Variants in PTPRA observed in about 807,000 individuals in gnomAD.
PTPRA encodes receptor-type tyrosine-protein phosphatase alpha.
Under a neutral mutation model 104.8 loss-of-function variants are expected in PTPRA, and 25 were observed. That is an observed-to-expected ratio of 0.24 (90% CI 0.17 to 0.33). PTPRA has a LOEUF of 0.33. PTPRA is among the 10% of genes least tolerant of loss of function. PTPRA has a pLI of 1.00. For synonymous variants in PTPRA, 323 were observed against 368.9 expected, an observed-to-expected ratio of 0.88 and a Z score of 1.43; for missense variants, 765 against 1,015.3, an observed-to-expected ratio of 0.75 and a Z score of 3.35.
chr20:2,909,974 A>AT (rs1203441257), intron 1 of PTPRA, among the ~76,000 whole-genome samples: 1,308 of 111,680 alleles, frequency 0.012, 25 homozygotes, highest in African/African-American at 0.051. Context: ...ATATATATAT[A>AT]ATCTATCATA....
chr20:2,911,767 G>C (rs117425855), intron 1 of PTPRA, among the ~76,000 whole-genome samples: 2,350 of 152,198 alleles, frequency 0.015, 123 homozygotes, highest in Admixed American at 0.09. Context: ...AGCAGGGTGG[G>C]AGTATGGGTA....
intron 1 of PTPRA, among the ~76,000 whole-genome samples, chr20:2,914,947 C>T (rs971458253): frequency 6.6e-6 from 1 of 152,178 alleles, no homozygotes; most frequent in Admixed American, 6.6e-5. Flanking sequence ...TTCTTTGAGT[C>T]CTCATACTAT....
chr20:3,007,271 C>T, intron 10 of PTPRA, 73 bp from the exon 11 acceptor site: 2 of 1,431,874 alleles, frequency 1.4e-6, no homozygotes, highest in East Asian at 2.3e-5. Context: ...GATGTCTCAA[C>T]TGTCCTGGTT....
intron 9 of PTPRA, among the ~76,000 whole-genome samples, chr20:2,996,173 T>C (rs1262198428): frequency 6.6e-6 from 1 of 152,216 alleles, no homozygotes; most frequent in African/African-American, 2.4e-5. Context: ...AACAGAACTA[T>C]TGATTTGGGA....
chr20:3,015,655 C>G (rs891417841), intron 11 of PTPRA, among the ~76,000 whole-genome samples, 194 bp from the exon 12 acceptor site: 1 of 152,140 alleles, frequency 6.6e-6, no homozygotes, highest in African/African-American at 2.4e-5. Context: ...AGAAGACTAC[C>G]TAGACTATTT....
At chr20:2,971,643 G>A (rs1042255987) in intron 5 of PTPRA, among the ~76,000 whole-genome samples, 1 of 152,150 alleles carries the variant, frequency 6.6e-6, no homozygotes, top group Non-Finnish European at 1.5e-5. Flanking sequence ...GACACTTTCA[G>A]TGGTTTTTCA....
In PTPRA at chr20:2,964,906, C is replaced by T. The variant is rs1180681653; in HGVS notation, c.119C>T (p.Ala40Val). The change falls in exon 5 of 24, where the codon GCA (alanine) becomes GTA (valine). Residue 40 changes from alanine to valine, a missense_variant. Physicochemically the swap from Ala to Val is moderately conservative, Grantham distance 64. Transcript: ENST00000399903. ...GITRLINSST[A>V]EPVKEEAKTS... The stretch of plus-strand genomic sequence containing the variant: ...ACAAGATTAATTAACTCATCAACGG[C>T]AGAACCAGTTAAAGAAGAGGCCAAA... 6.2e-7 allele frequency: 1 copy of T among 1,613,968 alleles called. No individual in the cohort carries two copies. The highest frequency in any genetic ancestry group is 1.3e-5 in the African/African-American group (1 of 74,924).
upstream of PTPRA, among the ~76,000 whole-genome samples, chr20:2,871,815 G>T (rs952275221): frequency 6.6e-6 from 1 of 152,228 alleles, no homozygotes; most frequent in South Asian, 2.1e-4. Flanking sequence ...GAGTAGGCGT[G>T]TGGACTCTGG....
chr20:2,915,711 A>G (rs569340378), intron 1 of PTPRA, among the ~76,000 whole-genome samples: 1 of 152,142 alleles, frequency 6.6e-6, no homozygotes, highest in African/African-American at 2.4e-5. Flanking sequence ...TTTTAGACCA[A>G]GCGCGGTGGC....
At chr20:2,867,029 C>T in the PTPRA span, among the ~76,000 whole-genome samples, 4 of 152,258 alleles carry the variant, frequency 2.6e-5, no homozygotes, top group South Asian at 2.1e-4. Context: ...CCACGCTAAA[C>T]ACTTTTGCTG....
intron 9 of PTPRA, among the ~76,000 whole-genome samples, chr20:3,000,603 A>G (rs1416535550): frequency 6.6e-6 from 1 of 152,200 alleles, no homozygotes; most frequent in African/African-American, 2.4e-5. Context: ...AATGTGTCTC[A>G]AAGCAGGACC....
intron 5 of PTPRA, among the ~76,000 whole-genome samples, chr20:2,966,859 T>G (rs1568673668): frequency 6.6e-6 from 1 of 152,240 alleles, no homozygotes; most frequent in African/African-American, 2.4e-5. Context: ...CTTTTAATGT[T>G]ACATACAATT....
intron 2 of PTPRA, among the ~76,000 whole-genome samples, chr20:2,943,852 T>C (rs2061020928): frequency 6.6e-6 from 1 of 152,202 alleles, no homozygotes; most frequent in African/African-American, 2.4e-5. Context: ...AAAAAGTTAA[T>C]ACTTAAGTAT....
intron 20 of PTPRA, among the ~76,000 whole-genome samples, chr20:3,028,259 G>A (rs1454207294): frequency 2.0e-5 from 3 of 152,174 alleles, no homozygotes; most frequent in African/African-American, 7.2e-5. Flanking sequence ...CCCAATATGA[G>A]TGTCCCTAAG....
intron 3 of PTPRA, among the ~76,000 whole-genome samples, chr20:2,963,805 G>A (rs982726295): frequency 6.6e-6 from 1 of 152,122 alleles, no homozygotes; most frequent in Non-Finnish European, 1.5e-5. Flanking sequence ...TTGGGAAGTT[G>A]AAGCAAGAGG....
chr20:2,925,868 T>C (rs2060276039), intron 2 of PTPRA, among the ~76,000 whole-genome samples: 1 of 152,034 alleles, frequency 6.6e-6, no homozygotes, highest in African/African-American at 2.4e-5. Flanking sequence ...CAAACATCTG[T>C]TCGAGTCCCT....
At chr20:2,959,608 G>T (rs1171367032) in intron 3 of PTPRA, among the ~76,000 whole-genome samples, 4 of 151,804 alleles carry the variant, frequency 2.6e-5, no homozygotes, top group African/African-American at 9.7e-5. Context: ...AATTAAAATA[G>T]ACTTTGTGTT....
intron 9 of PTPRA, among the ~76,000 whole-genome samples, chr20:2,988,915 G>A (rs900751947): frequency 2.6e-5 from 4 of 152,212 alleles, no homozygotes; most frequent in African/African-American, 2.4e-5. Flanking sequence ...ATATTTGTAG[G>A]CATCCATATT....
At chr20:2,989,821 T>A (rs184095490) in intron 9 of PTPRA, among the ~76,000 whole-genome samples, 43 of 152,134 alleles carry the variant, frequency 2.8e-4, no homozygotes, top group Middle Eastern at 3.4e-3. Context: ...ATCGAGACCA[T>A]CCTGGCTAAC....
Sources: gnomAD v4.1 joint callset for allele counts (sites outside exome capture counted in the v4.1 genomes callset) on GRCh38, gnomAD v4.1.1 for gene constraint, MANE v1.5 for transcripts, NCBI Gene and HGNC (gene_info 2026-07-23, HGNC 2026-07-21) for gene names.